ZNF385D: variants seen among roughly 807,000 people sequenced by gnomAD.
ZNF385D encodes zinc finger protein 659.
In ZNF385D, 15 loss-of-function variants were observed where a neutral mutation model predicts 35.8. That is an observed-to-expected ratio of 0.42 (90% CI 0.28 to 0.64). The LOEUF (loss-of-function observed/expected upper bound fraction) is 0.64, where lower values mean the gene tolerates loss of function less well. Among genes scored for constraint, ZNF385D ranks in the 30% least tolerant of loss-of-function variants. The pLI, the probability that ZNF385D is intolerant of heterozygous loss-of-function variation, is 0.23. For missense variants in ZNF385D, 474 were observed against 494.6 expected (o/e 0.96, Z 0.39); for synonymous variants, 212 against 186.8 (o/e 1.13, Z -1.10).
At chr3:22,183,919 T>TA (rs1198361385) in intron 2 of ZNF385D, among the ~76,000 whole-genome samples, 1 of 152,026 alleles carries the variant, frequency 6.6e-6, no homozygotes, top group Admixed American at 6.6e-5. Context: ...AACTGTTAAT[T>TA]AAAAAAAGGA....
intron 3 of ZNF385D, among the ~76,000 whole-genome samples, chr3:22,030,256 C>T (rs558806330): frequency 0.021 from 452 of 21,716 alleles, 10 homozygotes; most frequent in African/African-American, 0.067. Flanking sequence ...TAAACTCATT[C>T]ATATATATAT....
rs538254156 is a variant in ZNF385D, at chr3:22,351,005, T to C, written c.106+21445A>G. On this transcript the variant is annotated intron_variant, in intron 2 of 5. Transcript: ENST00000494108. ...TTAGGACATGTTAGAAGAGATTCAATAGACCCGCTTCCCCTGGCACATACT... is the reference window on the plus strand; with the variant it reads ...TTAGGACATGTTAGAAGAGATTCAACAGACCCGCTTCCCCTGGCACATACT... Among the ~76,000 whole-genome samples, 24 of 152,198 alleles carry C rather than the reference T, an allele frequency of 1.6e-4. 1 individual carries two copies. The East Asian group carries it at 4.4e-3, about 28-fold the overall frequency.
chr3:21,844,559 C>G (rs1695881042), intron 3 of ZNF385D, among the ~76,000 whole-genome samples: 1 of 151,816 alleles, frequency 6.6e-6, no homozygotes, highest in Admixed American at 6.6e-5. Context: ...AATAGGAAAG[C>G]CTTTTAAAAA....
At chr3:22,108,594 C>A (rs1041656671) in intron 3 of ZNF385D, among the ~76,000 whole-genome samples, 2 of 152,162 alleles carry the variant, frequency 1.3e-5, no homozygotes, top group Non-Finnish European at 2.9e-5. Flanking sequence ...AACTTTGCCA[C>A]TGACTAAGAG....
chr3:21,507,458 C>T (rs192548299), intron 4 of ZNF385D, among the ~76,000 whole-genome samples: 1 of 152,222 alleles, frequency 6.6e-6, no homozygotes, highest in East Asian at 1.9e-4. Flanking sequence ...TATATATGGA[C>T]AAGCCTACAA....
chr3:21,681,298 T>TGAAAAAAAAA (rs367942289), intron 1 of ZNF385D, among the ~76,000 whole-genome samples: 1 of 64,484 alleles, frequency 1.6e-5, no homozygotes, highest in Admixed American at 2.6e-4. Flanking sequence ...ATTCCATCAG[T>TGAAAAAAAAA]AAAAAAAAAA....
chr3:22,259,519 TTTCC>T (rs1700508259), intron 2 of ZNF385D, among the ~76,000 whole-genome samples: 1 of 151,984 alleles, frequency 6.6e-6, no homozygotes, highest in Non-Finnish European at 1.5e-5. Context: ...ATACAGCACC[TTTCC>T]TTGAGACAGC....
chr3:21,914,211 T>C (rs1021781058), intron 3 of ZNF385D, among the ~76,000 whole-genome samples: 1 of 152,106 alleles, frequency 6.6e-6, no homozygotes, highest in South Asian at 2.1e-4. Context: ...AATTCAAGCA[T>C]GACATAATGT....
chr3:22,274,212 A>G (rs1043108889), intron 2 of ZNF385D, among the ~76,000 whole-genome samples: 3 of 152,018 alleles, frequency 2.0e-5, no homozygotes, highest in Non-Finnish European at 4.4e-5. Flanking sequence ...CTTAGAAGAA[A>G]GAAGAACAAA....
At chr3:21,499,161 A>G (rs233172) in intron 4 of ZNF385D, among the ~76,000 whole-genome samples, 21,006 of 152,054 alleles carry the variant, frequency 0.14, 1,844 homozygotes, top group Admixed American at 0.23. Flanking sequence ...TCATTCTACC[A>G]TAAAGACACA....
At chr3:22,359,484 T>A (rs1696315878) in intron 2 of ZNF385D, among the ~76,000 whole-genome samples, 1 of 151,786 alleles carries the variant, frequency 6.6e-6, no homozygotes, top group South Asian at 2.1e-4. Flanking sequence ...CAATGGCGAT[T>A]TCCAGAAAAT....
At chr3:22,312,457 G>C (rs111568033) in intron 2 of ZNF385D, among the ~76,000 whole-genome samples, 134 of 152,106 alleles carry the variant, frequency 8.8e-4, no homozygotes, top group African/African-American at 3.1e-3. Flanking sequence ...CCATCAGAGT[G>C]AACAGGCAAC....
chr3:22,296,302 C>T (rs1179367500), intron 2 of ZNF385D, among the ~76,000 whole-genome samples: 5 of 152,080 alleles, frequency 3.3e-5, no homozygotes, highest in Non-Finnish European at 7.4e-5. Flanking sequence ...GTGGCATTAG[C>T]GGGGATGGTT....
chr3:22,130,643 G>A (rs1171216981), intron 3 of ZNF385D, among the ~76,000 whole-genome samples: 1 of 152,088 alleles, frequency 6.6e-6, no homozygotes, highest in Non-Finnish European at 1.5e-5. Flanking sequence ...TCCCCCAAGA[G>A]CACAGATTCT....
intron 2 of ZNF385D, among the ~76,000 whole-genome samples, chr3:21,566,471 T>C (rs1454597069): frequency 1.3e-5 from 2 of 151,942 alleles, no homozygotes; most frequent in African/African-American, 2.4e-5. Context: ...ACTAACAAAG[T>C]ACAAAAAAAT....
chr3:21,825,898 C>T (rs890581088), intron 3 of ZNF385D, among the ~76,000 whole-genome samples: 3 of 152,178 alleles, frequency 2.0e-5, no homozygotes, highest in African/African-American at 7.2e-5. Flanking sequence ...CCGCTCCTTT[C>T]CCACCAGCGG....
chr3:21,493,014 G>T (rs1300521017), intron 4 of ZNF385D, among the ~76,000 whole-genome samples: 1 of 151,862 alleles, frequency 6.6e-6, no homozygotes, highest in Admixed American at 6.6e-5. Flanking sequence ...TAATACAAAG[G>T]CATATAATCT....
chr3:21,489,302 A>G (rs1207339731), intron 4 of ZNF385D, among the ~76,000 whole-genome samples: 1 of 152,136 alleles, frequency 6.6e-6, no homozygotes, highest in East Asian at 1.9e-4. Flanking sequence ...CTATGATTAC[A>G]TTATCAACTT....
At chr3:22,256,200 T>A (rs1012178888) in intron 2 of ZNF385D, among the ~76,000 whole-genome samples, 1 of 142,482 alleles carries the variant, frequency 7.0e-6, no homozygotes, top group South Asian at 2.2e-4. Flanking sequence ...CATACACACA[T>A]ACATATATAC....
Sources: gnomAD v4.1 joint callset for allele counts (sites outside exome capture counted in the v4.1 genomes callset) on GRCh38, gnomAD v4.1.1 for gene constraint, MANE v1.5 for transcripts, NCBI Gene and HGNC (gene_info 2026-07-23, HGNC 2026-07-21) for gene names.